Variants in PLEKHB2 observed in about 807,000 individuals in gnomAD.
PLEKHB2 encodes pleckstrin homology domain containing B2.
In PLEKHB2, 31 loss-of-function variants were observed where a neutral mutation model predicts 36.5. The ratio of observed to expected loss-of-function variants is 0.85; its 90% CI spans 0.64 to 1.15. PLEKHB2 has a LOEUF of 1.15. Ranked by LOEUF, PLEKHB2 falls within the 50% of genes most tolerant of loss-of-function variation. PLEKHB2 has a pLI of 0.00. For missense variants in PLEKHB2, 262 were observed against 295.3 expected, an observed-to-expected ratio of 0.89 and a Z score of 0.83; for synonymous variants, 119 against 112.0, an observed-to-expected ratio of 1.06 and a Z score of -0.39.
intron 7 of PLEKHB2, among the ~76,000 whole-genome samples, chr2:131,145,605 C>T (rs113879204): frequency 0.022 from 3,277 of 152,126 alleles, 122 homozygotes; most frequent in African/African-American, 0.074. Context: ...AAAGTGCTGG[C>T]ATTACAGGTG....
chr2:131,119,132 G>A (rs1696201149), intron 1 of PLEKHB2, among the ~76,000 whole-genome samples: 1 of 151,862 alleles, frequency 6.6e-6, no homozygotes, highest in East Asian at 2.0e-4. Context: ...GCATGCTCCT[G>A]TAGTCCCAGC....
chr2:131,108,804 T>TA (rs1024533305), intron 1 of PLEKHB2, among the ~76,000 whole-genome samples: 7 of 152,210 alleles, frequency 4.6e-5, no homozygotes, highest in Non-Finnish European at 7.3e-5. Context: ...TAAATAGTAA[T>TA]AATTGCTGTC....
At chr2:131,118,951 A>G (rs1294121990) in intron 1 of PLEKHB2, 1 of 146,246 alleles carries the variant, frequency 6.8e-6, no homozygotes, top group Non-Finnish European at 1.5e-5. Context: ...GATAATAACT[A>G]TTGATTTCAA....
chr2:131,146,833 G>T lies in PLEKHB2; in HGVS notation c.*60G>T. 6 of 1,410,778 alleles carry T rather than the reference G, an allele frequency of 4.3e-6. No homozygotes were observed. Among genetic ancestry groups the T allele is most frequent in the Non-Finnish European group, 4.8e-6 (5 of 1,044,630 alleles). The allele number at this position is 1,410,778 out of a possible 1,614,324, so 87.4% of individuals were successfully genotyped here. A position where few individuals can be genotyped will look rare whatever the true frequency, so the allele number is the denominator to read the frequency against. On this transcript the variant is annotated 3_prime_UTR_variant, in exon 8 of 8. Coordinates refer to ENST00000693505, the MANE Select transcript of PLEKHB2 (RefSeq NM_001100623.2). Reference sequence around the variant, plus strand: ...AACCCTGTGTGCAATAATATGATTTGCAGGGCATTTCTGTTTGTGACAAAA... The same window carrying T: ...AACCCTGTGTGCAATAATATGATTTTCAGGGCATTTCTGTTTGTGACAAAA...
In PLEKHB2 at chr2:131,121,016, G is replaced by A. The variant is rs2303390; in HGVS notation, c.37+38G>A. ...TGTGCGGTCTGCGATCGGCATTGCC[G>A]AAGGGCAGTCTCTATTTCTGTTTGC... On this transcript the variant is annotated intron_variant, in intron 2 of 7. Transcript: ENST00000693505. 858 of 1,598,992 alleles carry A rather than the reference G, an allele frequency of 5.4e-4. 14 individuals carry two copies. The East Asian group carries it at 0.017, about 32-fold the overall frequency.
At chr2:131,144,597 T>C (rs1699099873) in intron 7 of PLEKHB2, 1 of 375,798 alleles carries the variant, frequency 2.7e-6, no homozygotes, top group African/African-American at 2.1e-5. Flanking sequence ...TTAGTTGCCA[T>C]AGAAACTGTG....
chr2:131,112,142 G>A (rs1362823160), intron 1 of PLEKHB2, among the ~76,000 whole-genome samples: 1 of 152,226 alleles, frequency 6.6e-6, no homozygotes. Flanking sequence ...TTCCAGGAAG[G>A]AGAGAGGGGT....
chr2:131,126,117 G>A (rs900158987), intron 3 of PLEKHB2, among the ~76,000 whole-genome samples: 16 of 152,178 alleles, frequency 1.1e-4, no homozygotes, highest in African/African-American at 2.9e-4. Flanking sequence ...CCTCGTTCTC[G>A]TGGAGAGGGA....
intron 7 of PLEKHB2, 67 bp from the exon 8 acceptor site, chr2:131,146,570 G>C (rs1699302932): frequency 1.3e-6 from 2 of 1,508,766 alleles, no homozygotes; most frequent in African/African-American, 2.8e-5. Flanking sequence ...AGGAGAACTG[G>C]TACTTTGCGT....
rs75171611 is a variant in PLEKHB2 at position 131,125,748 on chromosome 2, T to C, written c.38-5T>C. On this transcript the variant is annotated splice_polypyrimidine_tract_variant and splice_region_variant and intron_variant, in intron 2 of 7. Transcript: ENST00000693505. ...AAAAACAACCGTACTATTTTTTTTT[T>C]CCAGGTACTATTTTGAAGCGCTGGA... 2.5e-6 allele frequency: 4 copies of C among 1,586,556 alleles called. No individual in the cohort carries two copies. Among genetic ancestry groups the C allele is most frequent in the Non-Finnish European group, 3.4e-6 (4 of 1,170,864 alleles).
intron 2 of PLEKHB2, among the ~76,000 whole-genome samples, chr2:131,125,127 G>A (rs544140162): frequency 6.6e-5 from 10 of 152,224 alleles, no homozygotes; most frequent in South Asian, 6.2e-4. Context: ...TTTTATTTGC[G>A]TATAGAGACT....
chr2:131,126,207 G>T (rs914608814), intron 3 of PLEKHB2, among the ~76,000 whole-genome samples: 4 of 152,134 alleles, frequency 2.6e-5, no homozygotes, highest in African/African-American at 9.7e-5. Context: ...GCTTCTGTTT[G>T]ATGGTGACTC....
At chr2:131,138,015 A>ATTTTT (rs779343791) in intron 6 of PLEKHB2, among the ~76,000 whole-genome samples, 4 of 113,296 alleles carry the variant, frequency 3.5e-5, no homozygotes, top group Admixed American at 8.9e-5. Flanking sequence ...AGAGATGCTC[A>ATTTTT]TTTTTTTTTT....
chr2:131,110,203 C>G (rs1695152634), intron 1 of PLEKHB2, among the ~76,000 whole-genome samples: 1 of 152,016 alleles, frequency 6.6e-6, no homozygotes, highest in Non-Finnish European at 1.5e-5. Flanking sequence ...TCATAGAAGA[C>G]TTTTGCTGCC....
Position 131,119,501 on chromosome 2 carries a change from T to C in PLEKHB2, c.-8-1433T>C, listed in dbSNP as rs1573549420. ...CTCAGCAGTCCTCCGTCGTGGGGCATGTTGGCGCGCTTCTGCAGTATGTGT... is the reference window on the plus strand; with the variant it reads ...CTCAGCAGTCCTCCGTCGTGGGGCACGTTGGCGCGCTTCTGCAGTATGTGT... On this transcript the variant is annotated intron_variant, in intron 1 of 7. Coordinates refer to ENST00000693505, the MANE Select transcript of PLEKHB2 (RefSeq NM_001100623.2). 3.3e-5 allele frequency among the ~76,000 whole-genome samples: 5 copies of C among 152,278 alleles called. 1 individual carries two copies. In the South Asian group the frequency reaches 1.0e-3, roughly 32 times the overall value.
Position 131,146,839 on chromosome 2 carries a change from C to A in PLEKHB2, c.*66C>A. 2 of 1,371,034 alleles carry A rather than the reference C, an allele frequency of 1.5e-6. No homozygotes were observed. The highest frequency in any genetic ancestry group is 2.0e-6 in the Non-Finnish European group (2 of 1,012,238). 84.9% of individuals were successfully genotyped at this position (1,371,034 alleles called of 1,614,324 possible). On this transcript the variant is annotated 3_prime_UTR_variant, in exon 8 of 8. Transcript: ENST00000693505. ...GTGTGCAATAATATGATTTGCAGGGCATTTCTGTTTGTGACAAAAGTTTTT... is the reference window on the plus strand; with the variant it reads ...GTGTGCAATAATATGATTTGCAGGGAATTTCTGTTTGTGACAAAAGTTTTT...
chr2:131,137,647 C>T (rs573828557), intron 6 of PLEKHB2, among the ~76,000 whole-genome samples: 3 of 152,274 alleles, frequency 2.0e-5, no homozygotes, highest in African/African-American at 7.2e-5. Flanking sequence ...TTTGTCTTTG[C>T]TCTTTTTGAT....
chr2:131,132,031 A>T (rs1340717637), intron 5 of PLEKHB2, among the ~76,000 whole-genome samples: 1 of 152,040 alleles, frequency 6.6e-6, no homozygotes, highest in Non-Finnish European at 1.5e-5. Flanking sequence ...ATGGGGTTTC[A>T]TCATGTTGGT....
chr2:131,129,692 C>T (rs1021118354), intron 4 of PLEKHB2, among the ~76,000 whole-genome samples: 4 of 152,084 alleles, frequency 2.6e-5, no homozygotes, highest in Non-Finnish European at 5.9e-5. Flanking sequence ...TTAGTAGAAG[C>T]TTGGTTTTAC....
Sources: allele counts gnomAD v4.1 joint callset (sites outside exome capture counted in the v4.1 genomes callset), GRCh38; gene constraint gnomAD v4.1.1; transcripts MANE v1.5; gene names NCBI Gene and HGNC (gene_info 2026-07-23, HGNC 2026-07-21).